SLCO1A2: variants seen among roughly 807,000 people sequenced by gnomAD.
SLCO1A2 encodes solute carrier organic anion transporter family member 1A2.
Under a neutral mutation model 69.0 loss-of-function variants are expected in SLCO1A2, and 67 were observed. The observed-to-expected ratio is 0.97, with a 90% confidence interval of 0.80 to 1.19. The LOEUF is 1.19. Among genes scored for constraint, SLCO1A2 ranks in the 50% most tolerant of loss-of-function variants. The pLI is 0.00. For synonymous variants in SLCO1A2, 260 were observed against 265.9 expected, an observed-to-expected ratio of 0.98 and a Z score of 0.22; for missense variants, 787 against 793.7, an observed-to-expected ratio of 0.99 and a Z score of 0.10.
At chr12:21,284,966 C>T (rs1437744816) in intron 12 of SLCO1A2, among the ~76,000 whole-genome samples, 1 of 94,544 alleles carries the variant, frequency 1.1e-5, no homozygotes, top group East Asian at 3.0e-4. Flanking sequence ...CAAGAGCAAA[C>T]ACATTCAAAA....
At chr12:21,354,269 G>A (rs1938189300) in intron 2 of SLCO1A2, among the ~76,000 whole-genome samples, 1 of 152,112 alleles carries the variant, frequency 6.6e-6, no homozygotes, top group South Asian at 2.1e-4. Context: ...GGTGGCTACT[G>A]AAAAATCAAC....
chr12:21,376,086 T>C (rs902545186), intron 1 of SLCO1A2, among the ~76,000 whole-genome samples: 17 of 152,174 alleles, frequency 1.1e-4, no homozygotes, highest in African/African-American at 3.6e-4. Flanking sequence ...CTTTTACTAT[T>C]TCTTCTAAGT....
At chr12:21,318,468 C>T (rs1350006038) in intron 3 of SLCO1A2, among the ~76,000 whole-genome samples, 2 of 151,932 alleles carry the variant, frequency 1.3e-5, no homozygotes, top group African/African-American at 4.8e-5. Flanking sequence ...CCTTAGTATC[C>T]CTTAGGGTTA....
intron 4 of SLCO1A2, among the ~76,000 whole-genome samples, chr12:21,312,712 A>T (rs1176760002): frequency 6.6e-6 from 1 of 152,160 alleles, no homozygotes; most frequent in African/African-American, 2.4e-5. Flanking sequence ...GCCCAAGGAA[A>T]GGGCAAAAAA....
At chr12:21,405,129 T>G (rs1941802128) in intron 1 of SLCO1A2, among the ~76,000 whole-genome samples, 1 of 151,458 alleles carries the variant, frequency 6.6e-6, no homozygotes. Context: ...ATATTAGACC[T>G]TTGTAAGATG....
chr12:21,308,752 A>G (rs1216256421), intron 4 of SLCO1A2, among the ~76,000 whole-genome samples: 1 of 152,246 alleles, frequency 6.6e-6, no homozygotes, highest in Non-Finnish European at 1.5e-5. Flanking sequence ...ATTCTGAGCC[A>G]TGTGCGAAAC....
chr12:21,396,692 G>C (rs12580098), upstream of SLCO1A2, among the ~76,000 whole-genome samples: 55,750 of 152,030 alleles, frequency 0.37, 10,912 homozygotes, highest in Middle Eastern at 0.45. Flanking sequence ...AACCCTACAA[G>C]CCAGAAGAGA....
intron 4 of SLCO1A2, among the ~76,000 whole-genome samples, chr12:21,312,637 C>T (rs1347265111): frequency 6.6e-6 from 1 of 152,008 alleles, no homozygotes; most frequent in Non-Finnish European, 1.5e-5. Flanking sequence ...CACCTGAAGG[C>T]CACAATAGGG....
At chr12:21,270,889 T>TATC (rs1438818970) in intron 14 of SLCO1A2, among the ~76,000 whole-genome samples, 2 of 151,740 alleles carry the variant, frequency 1.3e-5, no homozygotes, top group East Asian at 3.9e-4. Flanking sequence ...TTATTAGTAA[T>TATC]ATCTTTGCAC....
intron 2 of SLCO1A2, among the ~76,000 whole-genome samples, chr12:21,350,311 CTTTG>C (rs1051425774): frequency 1.3e-5 from 2 of 150,822 alleles, no homozygotes; most frequent in Non-Finnish European, 3.0e-5. Context: ...TTCACCACAG[CTTTG>C]TTTTAGTAAA....
intron 2 of SLCO1A2, among the ~76,000 whole-genome samples, chr12:21,374,106 G>A (rs1406490467): frequency 6.6e-6 from 1 of 152,076 alleles, no homozygotes; most frequent in Non-Finnish European, 1.5e-5. Flanking sequence ...CTTTCAGTAG[G>A]TAGCATGTAT....
At chr12:21,283,107 C>A (rs1945109202) in intron 12 of SLCO1A2, among the ~76,000 whole-genome samples, 1 of 151,964 alleles carries the variant, frequency 6.6e-6, no homozygotes, top group Non-Finnish European at 1.5e-5. Flanking sequence ...TCCAGGATAG[C>A]CAAAGTTATC....
At chr12:21,292,586 ATTATT>A (rs1269873031) in intron 11 of SLCO1A2, among the ~76,000 whole-genome samples, 1 of 151,960 alleles carries the variant, frequency 6.6e-6, no homozygotes, top group Non-Finnish European at 1.5e-5. Context: ...ACACTTTTTT[ATTATT>A]TTATTTATTT....
At chr12:21,374,512 G>A (rs1228137372) in exon 2 of SLCO1A2, 1 of 152,176 alleles carries the variant, frequency 6.6e-6, no homozygotes, top group African/African-American at 2.4e-5. Flanking sequence ...AATATGCAAA[G>A]ATTTCTACAG....
intron 2 of SLCO1A2, chr12:21,319,537 AAGGCATATAAGCCC>A (rs1249841149): frequency 2.6e-6 from 3 of 1,164,048 alleles, no homozygotes; most frequent in Non-Finnish European, 3.5e-6. Context: ...AGTTGTGTCT[AAGGCATATAAGCCC>A]AGGACAGAGT....
intron 2 of SLCO1A2, among the ~76,000 whole-genome samples, chr12:21,357,078 A>G (rs1437098362): frequency 2.0e-5 from 3 of 152,228 alleles, no homozygotes; most frequent in Non-Finnish European, 4.4e-5. Context: ...ATAAAAACAA[A>G]CAAACACTAT....
intron 9 of SLCO1A2, 63 bp downstream of exon 9, chr12:21,297,341 C>A: frequency 7.8e-7 from 1 of 1,275,258 alleles, no homozygotes; most frequent in South Asian, 2.1e-5. Flanking sequence ...GTTTGCTACA[C>A]CCGCCATCAC....
At chr12:21,274,184 T>C (rs1221131272) in intron 14 of SLCO1A2, 1 of 281,560 alleles carries the variant, frequency 3.6e-6, no homozygotes. Flanking sequence ...TGTACAACCA[T>C]TACCTTCAAT....
At chr12:21,392,315 G>A (rs1011665513) in intron 1 of SLCO1A2, among the ~76,000 whole-genome samples, 3 of 152,020 alleles carry the variant, frequency 2.0e-5, no homozygotes, top group Non-Finnish European at 2.9e-5. Flanking sequence ...GTAACCCATC[G>A]CTGGCTGGGG....
Sources: allele counts gnomAD v4.1 joint callset (sites outside exome capture counted in the v4.1 genomes callset), GRCh38; gene constraint gnomAD v4.1.1; transcripts MANE v1.5; gene names NCBI Gene and HGNC (gene_info 2026-07-23, HGNC 2026-07-21).